CLVS2: variants seen among roughly 807,000 people sequenced by gnomAD.
CLVS2 encodes the protein clavesin-2.
In CLVS2, 19 loss-of-function variants were observed where a neutral mutation model predicts 29.0. The ratio of observed to expected loss-of-function variants is 0.66; its 90% CI spans 0.46 to 0.96. The LOEUF (loss-of-function observed/expected upper bound fraction) is 0.96. CLVS2 is among the 40% of genes least tolerant of loss of function. The pLI is 0.00. For synonymous variants in CLVS2, 161 were observed against 151.3 expected (o/e 1.06, Z -0.47); for missense variants, 294 against 404.1 (o/e 0.73, Z 2.34).
intron 3 of CLVS2, among the ~76,000 whole-genome samples, chr6:123,020,455 T>C (rs1006242370): frequency 6.6e-6 from 1 of 152,084 alleles, no homozygotes; most frequent in Non-Finnish European, 1.5e-5. Context: ...AATTTGGGAT[T>C]CAGTTGTCAT....
At chr6:123,003,891 T>C (rs1248635740) in intron 2 of CLVS2, among the ~76,000 whole-genome samples, 1 of 152,202 alleles carries the variant, frequency 6.6e-6, no homozygotes, top group Non-Finnish European at 1.5e-5. Context: ...ATAATTCTAC[T>C]GTGTGTATTG....
At chr6:123,018,316 T>C (rs1774869670) in intron 3 of CLVS2, among the ~76,000 whole-genome samples, 1 of 152,050 alleles carries the variant, frequency 6.6e-6, no homozygotes, top group Admixed American at 6.6e-5. Flanking sequence ...CTCGTTTTTT[T>C]CTCTCTTCAG....
At chr6:123,015,042 T>G (rs986682736) in intron 3 of CLVS2, among the ~76,000 whole-genome samples, 1 of 151,748 alleles carries the variant, frequency 6.6e-6, no homozygotes, top group Non-Finnish European at 1.5e-5. Context: ...GAAAGTTTGC[T>G]AAGTGGACAA....
chr6:123,028,706 G>T (rs1314978371), intron 3 of CLVS2, among the ~76,000 whole-genome samples: 1 of 152,012 alleles, frequency 6.6e-6, no homozygotes, highest in Non-Finnish European at 1.5e-5. Flanking sequence ...AAAGACAGGC[G>T]CCTGTTTCTT....
intron 3 of CLVS2, among the ~76,000 whole-genome samples, chr6:123,018,788 T>C (rs1053060699): frequency 3.5e-4 from 53 of 151,950 alleles, no homozygotes; most frequent in African/African-American, 1.2e-3. Context: ...TACCATTTGA[T>C]GTGCAATTAA....
chr6:123,019,433 A>G (rs901578740), intron 3 of CLVS2, among the ~76,000 whole-genome samples: 2 of 152,038 alleles, frequency 1.3e-5, no homozygotes, highest in African/African-American at 4.8e-5. Context: ...TATCATCCCT[A>G]CAATTCATTC....
At position 123,070,807 on chromosome 6, in the gene CLVS2, A is replaced by G. The variant is rs943555890; in HGVS notation, c.*7046A>G. The stretch of plus-strand genomic sequence containing the variant: ...ATCTCTCCTTTATTTACTGCTGCCA[A>G]ACTGTCATCTTTGCTGTTCCAGGAA... On this transcript the variant is annotated 3_prime_UTR_variant, in exon 6 of 6. Transcript: ENST00000275162. The G allele has an allele frequency of 1.3e-5, 2 of 151,940 alleles. No homozygotes were observed. Among genetic ancestry groups the G allele is most frequent in the African/African-American group, 2.4e-5 (1 of 41,398 alleles). 9.4% of individuals were successfully genotyped at this position (151,940 alleles called of 1,614,324 possible).
rs190406417 is a variant in CLVS2 at position 123,004,602 on chromosome 6, A to G, written c.390-6383A>G. 5.9e-5 allele frequency among the ~76,000 whole-genome samples: 9 copies of G among 152,224 alleles called. No individual in the cohort carries two copies. In the East Asian group the frequency reaches 1.5e-3, roughly 26 times the overall value. On this transcript the variant is annotated intron_variant, in intron 2 of 5. Transcript: ENST00000275162. Reference sequence around the variant, plus strand: ...CCTGATCTCCTATTTTCTGACATATATATTATGCTACCATGAAAAAGCAGA... The same window carrying G: ...CCTGATCTCCTATTTTCTGACATATGTATTATGCTACCATGAAAAAGCAGA...
chr6:123,069,196 C>A lies in CLVS2; in HGVS notation c.*5435C>A, dbSNP rs1209757323. On this transcript the variant is annotated 3_prime_UTR_variant, in exon 6 of 6. Transcript: ENST00000275162. ...AAACTAATGTTTTAATTACATATAG[C>A]AAAGGAATGATCAGTAAATAAAATA... 1 of 151,538 alleles carries A rather than the reference C, an allele frequency of 6.6e-6. No homozygotes were observed. The allele number at this position is 151,538 out of a possible 1,614,324, so 9.4% of individuals were successfully genotyped here.
intron 3 of CLVS2, among the ~76,000 whole-genome samples, chr6:123,044,762 G>C (rs1286289212): frequency 2.6e-5 from 4 of 152,194 alleles, no homozygotes; most frequent in Admixed American, 6.5e-5. Flanking sequence ...AGATTGTCAG[G>C]ATGAGGGAGA....
rs1772953688 is a variant in CLVS2, at chr6:123,071,795, G to A, written c.*8034G>A. The A allele has an allele frequency of 6.6e-6, 1 of 151,936 alleles. No individual in the cohort carries two copies. Among genetic ancestry groups the A allele is most frequent in the African/African-American group, 2.4e-5 (1 of 41,420 alleles). 9.4% of individuals were successfully genotyped at this position (151,936 alleles called of 1,614,324 possible). Reference sequence around the variant, plus strand: ...GAAATCTATATATTATAGTCATTTAGTCTGTGAACCATTTTAACAATTGGG... The same window carrying A: ...GAAATCTATATATTATAGTCATTTAATCTGTGAACCATTTTAACAATTGGG... On this transcript the variant is annotated 3_prime_UTR_variant, in exon 6 of 6. Coordinates refer to ENST00000275162, the MANE Select transcript of CLVS2 (RefSeq NM_001010852.4).
chr6:123,039,644 G>T (rs964512494), intron 3 of CLVS2, among the ~76,000 whole-genome samples: 1 of 152,148 alleles, frequency 6.6e-6, no homozygotes, highest in African/African-American at 2.4e-5. Context: ...GTGTCTTCCT[G>T]TTGAGGTGTG....
chr6:123,056,743 T>G (rs1772698787), intron 5 of CLVS2, among the ~76,000 whole-genome samples: 1 of 152,160 alleles, frequency 6.6e-6, no homozygotes, highest in Non-Finnish European at 1.5e-5. Flanking sequence ...ATAAGCAATT[T>G]ATTGGATTTC....
rs1046280132 is a variant in CLVS2, at chr6:123,068,165, T to C, written c.*4404T>C. 6 of 151,634 alleles carry C rather than the reference T, an allele frequency of 4.0e-5. No homozygotes were observed. Among genetic ancestry groups the C allele is most frequent in the East Asian group, 3.9e-4 (2 of 5,194 alleles). The allele number at this position is 151,634 out of a possible 1,614,324, so 9.4% of individuals were successfully genotyped here. A position where few individuals can be genotyped will look rare whatever the true frequency, so the allele number is the denominator to read the frequency against. On this transcript the variant is annotated 3_prime_UTR_variant, in exon 6 of 6. Coordinates refer to ENST00000275162, the MANE Select transcript of CLVS2 (RefSeq NM_001010852.4). Reference sequence around the variant, plus strand: ...ATATATAAGATAACAACTTTGTGGATTGAAACACTCAAATTAGCCTTTTTT... The same window carrying C: ...ATATATAAGATAACAACTTTGTGGACTGAAACACTCAAATTAGCCTTTTTT...
chr6:123,058,561 C>G (rs910758118), intron 5 of CLVS2, among the ~76,000 whole-genome samples: 1 of 152,210 alleles, frequency 6.6e-6, no homozygotes, highest in Non-Finnish European at 1.5e-5. Flanking sequence ...CTTACCTGCT[C>G]CCCTACTCCC....
Position 122,998,011 on chromosome 6 carries a change from C to G in CLVS2, c.234C>G (p.Tyr78Ter). The G allele has an allele frequency of 6.2e-7, 1 of 1,614,130 alleles. No individual in the cohort carries two copies. Among genetic ancestry groups the G allele is most frequent in the Non-Finnish European group, 8.5e-7 (1 of 1,180,018 alleles). ...AFRLLAQYFEYRQQNLDMFKS... is the reference protein window; with the variant it reads ...AFRLLAQYFE ...GCCTCCTGGCGCAGTACTTTGAGTA[C>G]CGGCAGCAGAACCTGGACATGTTCA... Residue 78 changes from tyrosine (Y) to a stop codon, truncating the protein, a stop_gained, in exon 2 of 6, where the codon TAC (tyrosine) becomes TAG (stop). Transcript: ENST00000275162. LOFTEE classifies it high-confidence loss of function.
rs1246404307 is a variant in CLVS2 at position 123,067,699 on chromosome 6, A to G, written c.*3938A>G. 1 of 151,694 alleles carries G rather than the reference A, an allele frequency of 6.6e-6. No homozygotes were observed. The highest frequency in any genetic ancestry group is 1.9e-4 in the East Asian group (1 of 5,176). 9.4% of individuals were successfully genotyped at this position (151,694 alleles called of 1,614,324 possible). ...TCCATTGTAGATCTGCTATATAAAT[A>G]CATAGCCTGAAACATAGTAATGCAT... On this transcript the variant is annotated 3_prime_UTR_variant, in exon 6 of 6. Coordinates refer to ENST00000275162, the MANE Select transcript of CLVS2 (RefSeq NM_001010852.4).
At chr6:123,044,571 G>C (rs544555817) in intron 3 of CLVS2, among the ~76,000 whole-genome samples, 2 of 152,198 alleles carry the variant, frequency 1.3e-5, no homozygotes, top group Non-Finnish European at 2.9e-5. Context: ...TCATATTCTT[G>C]TGAAGCTTTG....
chr6:123,011,201 T>C (rs367929205), intron 3 of CLVS2, 42 bp downstream of exon 3: 27 of 1,385,544 alleles, frequency 1.9e-5, no homozygotes, highest in Non-Finnish European at 2.6e-5. Context: ...CTCTTGTGTT[T>C]GACTTCTCTT....
Sources: allele counts gnomAD v4.1 joint callset (sites outside exome capture counted in the v4.1 genomes callset), GRCh38; gene constraint gnomAD v4.1.1; transcripts MANE v1.5; gene names NCBI Gene and HGNC (gene_info 2026-07-23, HGNC 2026-07-21).